Variants in HVCN1 observed in about 807,000 individuals in gnomAD.
The protein encoded by HVCN1 is voltage-gated hydrogen channel 1.
In HVCN1, 14 loss-of-function variants were observed where a neutral mutation model predicts 29.2. That is an observed-to-expected ratio of 0.48 (90% CI 0.32 to 0.75). The LOEUF (loss-of-function observed/expected upper bound fraction) is 0.75, where lower values mean the gene tolerates loss of function less well. HVCN1 is among the 30% of genes least tolerant of loss of function. The pLI is 0.04. For synonymous variants in HVCN1, 131 were observed against 133.2 expected, an observed-to-expected ratio of 0.98 and a Z score of 0.11; for missense variants, 263 against 341.8, an observed-to-expected ratio of 0.77 and a Z score of 1.82.
chr12:110,687,840 A>G (rs1267506977), intron 2 of HVCN1: 3 of 152,290 alleles, frequency 2.0e-5, no homozygotes, highest in African/African-American at 7.3e-5. Context: ...TTCTTGCTAA[A>G]CCTGTGTCGG....
chr12:110,692,757 A>G (rs1421796626), upstream of HVCN1, among the ~76,000 whole-genome samples: 1 of 152,044 alleles, frequency 6.6e-6, no homozygotes, highest in Admixed American at 6.6e-5. Context: ...AAACAAAACA[A>G]CTTAGGGAAG....
intron 7 of HVCN1, among the ~76,000 whole-genome samples, chr12:110,649,695 C>T (rs977366192): frequency 2.0e-5 from 3 of 152,144 alleles, no homozygotes; most frequent in African/African-American, 4.8e-5. Context: ...TGGCAGAGCC[C>T]TGGGATGTGG....
intron 5 of HVCN1, among the ~76,000 whole-genome samples, chr12:110,653,573 G>A (rs552578652): frequency 1.3e-5 from 2 of 152,246 alleles, no homozygotes; most frequent in African/African-American, 4.8e-5. Flanking sequence ...TGGACACGGT[G>A]GCTCTTGCCT....
At chr12:110,655,407 G>A in intron 4 of HVCN1, 69 bp from the exon 5 acceptor site, 2 of 1,243,762 alleles carry the variant, frequency 1.6e-6, no homozygotes, top group African/African-American at 1.5e-5. Context: ...CCATCATTAA[G>A]AGCTGGCTTG....
At chr12:110,684,434 C>T (rs1055531312) in intron 2 of HVCN1, among the ~76,000 whole-genome samples, 7 of 152,174 alleles carry the variant, frequency 4.6e-5, no homozygotes, top group African/African-American at 1.7e-4. Flanking sequence ...GAACACCCAC[C>T]ACCAGCTATA....
chr12:110,697,938 C>T (rs2069518358), intron 2 of HVCN1, among the ~76,000 whole-genome samples: 1 of 152,194 alleles, frequency 6.6e-6, no homozygotes. Flanking sequence ...GCATAAGCCA[C>T]TGTGTCTGGC....
At chr12:110,669,515 G>T (rs1013557965) in intron 3 of HVCN1, among the ~76,000 whole-genome samples, 5 of 152,178 alleles carry the variant, frequency 3.3e-5, no homozygotes, top group African/African-American at 1.2e-4. Flanking sequence ...CATGGAACTT[G>T]CAGTTCTAGA....
At chr12:110,689,126 G>A (rs1293229474), upstream of HVCN1, 1 of 151,862 alleles carries the variant, frequency 6.6e-6, no homozygotes, top group Non-Finnish European at 1.5e-5. The surrounding 1 kb of genome is among the most constrained non-coding windows in gnomAD (Gnocchi z 5.7). Context: ...GGGAGCCTCA[G>A]AGCAGGTCCG....
chr12:110,663,587 C>CAAAAAAAAAAAAAAAAAAAA (rs1182792368), intron 3 of HVCN1, among the ~76,000 whole-genome samples: 1 of 25,808 alleles, frequency 3.9e-5, no homozygotes, highest in African/African-American at 1.2e-4. Context: ...GACGCTGTCT[C>CAAAAAAAAAAAAAAAAAAAA]AAAAAAAAAA....
intron 4 of HVCN1, among the ~76,000 whole-genome samples, chr12:110,655,861 T>C (rs1264092952): frequency 1.3e-5 from 2 of 152,108 alleles, no homozygotes; most frequent in African/African-American, 4.8e-5. Context: ...CGTACCACCA[T>C]GCCTGGCTAA....
chr12:110,696,695 G>A (rs551329216), intron 2 of HVCN1, among the ~76,000 whole-genome samples: 3 of 152,056 alleles, frequency 2.0e-5, no homozygotes, highest in Non-Finnish European at 2.9e-5. Context: ...GGTCTTTTGC[G>A]TCTGGTGTCA....
chr12:110,695,485 G>A (rs2069476131), intron 2 of HVCN1, among the ~76,000 whole-genome samples: 1 of 152,132 alleles, frequency 6.6e-6, no homozygotes, highest in South Asian at 2.1e-4. Context: ...GAGTCTGGGA[G>A]GTCAAGGCTG....
chr12:110,681,852 C>A (rs2068988543), intron 3 of HVCN1, among the ~76,000 whole-genome samples: 1 of 152,154 alleles, frequency 6.6e-6, no homozygotes, highest in Non-Finnish European at 1.5e-5. Context: ...TGCCCCCAAT[C>A]TTCACAACCA....
intron 3 of HVCN1, among the ~76,000 whole-genome samples, chr12:110,680,945 A>C (rs1016360749): frequency 6.6e-6 from 1 of 152,146 alleles, no homozygotes; most frequent in African/African-American, 2.4e-5. Flanking sequence ...AACAAAACAA[A>C]AAAAGGCAGC....
intron 3 of HVCN1, among the ~76,000 whole-genome samples, chr12:110,666,226 G>C (rs1467094358): frequency 3.3e-5 from 5 of 151,836 alleles, no homozygotes; most frequent in Non-Finnish European, 7.4e-5. Flanking sequence ...AGACCATCCT[G>C]GCTAACATGG....
chr12:110,700,589 A>ATC (rs754758692), intron 2 of HVCN1, among the ~76,000 whole-genome samples: 2 of 151,602 alleles, frequency 1.3e-5, no homozygotes, highest in Non-Finnish European at 2.9e-5. Flanking sequence ...GAATATTTCG[A>ATC]TCTCTCTCTC....
At chr12:110,673,917 C>G (rs2068662555) in intron 3 of HVCN1, among the ~76,000 whole-genome samples, 1 of 152,234 alleles carries the variant, frequency 6.6e-6, no homozygotes. Flanking sequence ...AGCACCCACA[C>G]TGAGTCCCTT....
Position 110,658,352 on chromosome 12 carries a change from G to T in HVCN1, c.306+2812C>A, listed in dbSNP as rs2068055632. ...CCACCTACTCCAGTGTGGCCTCACT[G>T]CTGCCACCAAGTCCCTCCACAAATC... On this transcript the variant is annotated intron_variant, in intron 4 of 7. Transcript: ENST00000242607. The surrounding 1 kb of genome is among the most constrained non-coding windows in gnomAD (Gnocchi z 5.0). 6.6e-6 allele frequency among the ~76,000 whole-genome samples: 1 copy of T among 151,998 alleles called. No homozygotes were observed. Among genetic ancestry groups the T allele is most frequent in the Non-Finnish European group, 1.5e-5 (1 of 67,986 alleles).
intron 3 of HVCN1, among the ~76,000 whole-genome samples, chr12:110,667,526 A>C (rs1566043833): frequency 6.6e-6 from 1 of 152,056 alleles, no homozygotes; most frequent in Non-Finnish European, 1.5e-5. Context: ...ACCTCCCGGG[A>C]TCAAGCGATC....
Sources: gnomAD v4.1 joint callset for allele counts (sites outside exome capture counted in the v4.1 genomes callset) on GRCh38, gnomAD v4.1.1 for gene constraint, Gnocchi (gnomAD v3.1) non-coding constraint, MANE v1.5 for transcripts, NCBI Gene and HGNC (gene_info 2026-07-23, HGNC 2026-07-21) for gene names.